RXRA: variants seen among roughly 807,000 people sequenced by gnomAD.
RXRA encodes retinoid X receptor alpha, also known as retinoic acid receptor RXR-alpha.
A neutral mutation model predicts 44.5 loss-of-function variants in RXRA; 5 were observed. The ratio of observed to expected loss-of-function variants is 0.11; its 90% CI spans 0.06 to 0.24. RXRA has a LOEUF of 0.24. RXRA is among the 10% of genes least tolerant of loss of function. RXRA has a pLI of 1.00. For synonymous variants in RXRA, 291 were observed against 271.4 expected (o/e 1.07, Z -0.71); for missense variants, 412 against 646.5 (o/e 0.64, Z 3.93).
chr9:134,370,566 C>T (rs1830479112), intron 1 of RXRA, among the ~76,000 whole-genome samples: 1 of 152,242 alleles, frequency 6.6e-6, no homozygotes, highest in Admixed American at 6.5e-5. Flanking sequence ...TTCTGTAGCT[C>T]TGTTGGGGCA....
At chr9:134,382,538 TG>T (rs1161253444) in intron 1 of RXRA, among the ~76,000 whole-genome samples, 1 of 152,102 alleles carries the variant, frequency 6.6e-6, no homozygotes, top group Non-Finnish European at 1.5e-5. Flanking sequence ...GACCAGAGGC[TG>T]GGGACTGGAC....
chr9:134,401,980 G>A, intron 2 of RXRA, 98 bp downstream of exon 2: 2 of 1,030,108 alleles, frequency 1.9e-6, no homozygotes, highest in Non-Finnish European at 1.4e-6. Flanking sequence ...CCTCTGGGAG[G>A]TAGGTGCTGT....
intron 1 of RXRA, among the ~76,000 whole-genome samples, chr9:134,354,076 C>G (rs1448833129): frequency 6.6e-6 from 1 of 152,162 alleles, no homozygotes; most frequent in Non-Finnish European, 1.5e-5. Flanking sequence ...ACACTTAGGT[C>G]CATGCCTGGG....
In RXRA at chr9:134,401,896, T is replaced by C. The variant is rs753922763; in HGVS notation, c.279+14T>C. The C allele has an allele frequency of 6.6e-7, 1 of 1,525,644 alleles. No individual in the cohort carries two copies. The highest frequency in any genetic ancestry group is 2.4e-5 in the East Asian group (1 of 42,038). The allele number at this position is 1,525,644 out of a possible 1,614,324, so 94.5% of individuals were successfully genotyped here. ...GGCAGCCCCCAGGTGAGTGCGGGGCTGGGGCAAGGGGAGGGGGTGGGGCCT... is the reference window on the plus strand; with the variant it reads ...GGCAGCCCCCAGGTGAGTGCGGGGCCGGGGCAAGGGGAGGGGGTGGGGCCT... On this transcript the variant is annotated intron_variant, in intron 2 of 9. Transcript: ENST00000481739.
intron 1 of RXRA, among the ~76,000 whole-genome samples, chr9:134,398,547 CA>C (rs1830914243): frequency 6.6e-5 from 10 of 152,132 alleles, no homozygotes; most frequent in African/African-American, 2.4e-4. Context: ...TCTGTGTAAA[CA>C]GGAAGGGCTG....
At chr9:134,412,445 T>A (rs1211766985) in intron 4 of RXRA, among the ~76,000 whole-genome samples, 1 of 152,194 alleles carries the variant, frequency 6.6e-6, no homozygotes, top group Non-Finnish European at 1.5e-5. Flanking sequence ...ATGGCCCAGG[T>A]GCCCCCATGC....
intron 2 of RXRA, chr9:134,402,156 C>T (rs367911676): frequency 9.7e-6 from 5 of 513,170 alleles, no homozygotes; most frequent in Non-Finnish European, 1.7e-5. Context: ...CCGGAGGGCT[C>T]GGGACTCCCT....
intron 1 of RXRA, among the ~76,000 whole-genome samples, chr9:134,330,062 T>C (rs1834979026): frequency 6.6e-6 from 1 of 152,152 alleles, no homozygotes; most frequent in Non-Finnish European, 1.5e-5. Context: ...GAGTTTCCTT[T>C]CTTGGGTGAC....
intron 1 of RXRA, among the ~76,000 whole-genome samples, chr9:134,384,610 C>T (rs1830692197): frequency 6.6e-6 from 1 of 151,920 alleles, no homozygotes; most frequent in African/African-American, 2.4e-5. Context: ...AGCGTGTGGA[C>T]CCATGCAGGG....
intron 1 of RXRA, among the ~76,000 whole-genome samples, chr9:134,334,944 G>A (rs1487536797): frequency 1.3e-5 from 2 of 152,216 alleles, no homozygotes; most frequent in Non-Finnish European, 2.9e-5. Context: ...TGGGGAAGAG[G>A]TGGCCTGGGG....
chr9:134,389,700 C>T (rs1830772097), intron 1 of RXRA, among the ~76,000 whole-genome samples: 1 of 152,128 alleles, frequency 6.6e-6, no homozygotes, highest in Non-Finnish European at 1.5e-5. Flanking sequence ...CCATGTCTGG[C>T]TCTGCCTGTA....
Position 134,420,489 on chromosome 9 carries a change from C to T in RXRA, c.781-1187C>T, listed in dbSNP as rs369700819. 7.1e-4 allele frequency among the ~76,000 whole-genome samples: 108 copies of T among 152,336 alleles called. 4 individuals carry two copies. In the South Asian group the frequency reaches 0.022, roughly 31 times the overall value. On this transcript the variant is annotated intron_variant, in intron 5 of 9. Transcript: ENST00000481739. Reference sequence around the variant, plus strand: ...TCTGGCTCGGGCCCCCAAGGGCTGCCCTGCCCTCTTCCGAGGGTCCTGGCG... The same window carrying T: ...TCTGGCTCGGGCCCCCAAGGGCTGCTCTGCCCTCTTCCGAGGGTCCTGGCG...
At chr9:134,415,466 A>C (rs1396177705) in intron 4 of RXRA, among the ~76,000 whole-genome samples, 1 of 3,846 alleles carries the variant, frequency 2.6e-4, no homozygotes, top group African/African-American at 1.8e-3. Flanking sequence ...TGGAAGCCAG[A>C]GGGTGGGAGG....
At position 134,421,670 on chromosome 9, in the gene RXRA, C is replaced by T. The variant is rs1164893728; in HGVS notation, c.781-6C>T. 1.3e-6 allele frequency: 2 copies of T among 1,558,246 alleles called. No individual in the cohort carries two copies. Among genetic ancestry groups the T allele is most frequent in the Non-Finnish European group, 1.7e-6 (2 of 1,147,308 alleles). On this transcript the variant is annotated splice_polypyrimidine_tract_variant and splice_region_variant and intron_variant, in intron 5 of 9. Transcript: ENST00000481739. ...TGAATGTCCTGCTCTTCTTCCTCCA[C>T]TGCAGCCGAACGACCCTGTCACCAA... is the stretch of plus-strand genomic sequence containing the variant.
At chr9:134,376,138 C>T (rs1830553446) in intron 1 of RXRA, among the ~76,000 whole-genome samples, 1 of 152,216 alleles carries the variant, frequency 6.6e-6, no homozygotes, top group African/African-American at 2.4e-5. Context: ...CACCCTCCCA[C>T]CGGCCCCGCT....
chr9:134,412,248 G>A (rs1564290443), intron 4 of RXRA, among the ~76,000 whole-genome samples: 1 of 152,232 alleles, frequency 6.6e-6, no homozygotes, highest in South Asian at 2.1e-4. Context: ...CGGCTCTGGG[G>A]ACTGAGCCCT....
intron 1 of RXRA, among the ~76,000 whole-genome samples, chr9:134,396,397 C>T (rs1830879746): frequency 6.6e-6 from 1 of 152,104 alleles, no homozygotes; most frequent in Non-Finnish European, 1.5e-5. Flanking sequence ...CGCTGCCCTT[C>T]TCCCTCCCCT....
rs906644773 is a variant in RXRA at position 134,342,767 on chromosome 9, G to A, written c.28+16108G>A. Among the ~76,000 whole-genome samples the A allele has an allele frequency of 3.7e-4, 57 of 152,264 alleles. No homozygotes were observed. Among genetic ancestry groups the A allele is most frequent in the East Asian group, 7.7e-4 (4 of 5,164 alleles). On this transcript the variant is annotated intron_variant, in intron 1 of 9. Coordinates refer to ENST00000481739, the MANE Select transcript of RXRA (RefSeq NM_002957.6). This position sits in a 1 kb window ranked among gnomAD's most constrained non-coding sequence, Gnocchi z 4.4. ...CTGGCCCCATAGGAGAGTGGACAGC[G>A]CCGCGGAGGAGGCTGCCTACCTGCC...
chr9:134,404,643 G>A (rs571004523), intron 2 of RXRA: 95 of 152,694 alleles, frequency 6.2e-4, no homozygotes, highest in Non-Finnish European at 1.2e-3. Context: ...GAGTGTGGAC[G>A]CGAGGCTGAG....
Sources: allele counts gnomAD v4.1 joint callset (sites outside exome capture counted in the v4.1 genomes callset), GRCh38; gene constraint gnomAD v4.1.1; non-coding constraint Gnocchi (gnomAD v3.1); transcripts MANE v1.5; gene names NCBI Gene and HGNC (gene_info 2026-07-23, HGNC 2026-07-21).